ZNF17: variants seen among roughly 807,000 people sequenced by gnomAD.
ZNF17 encodes zinc finger protein 17, also known as zinc finger protein 17 (HPF3, KOX 10).
In ZNF17, 4 loss-of-function variants were observed where a neutral mutation model predicts 7.7. The ratio of observed to expected loss-of-function variants is 0.52; its 90% CI spans 0.26 to 1.20. The LOEUF (loss-of-function observed/expected upper bound fraction) is 1.20. ZNF17 is among the 50% of genes most tolerant of loss of function. The probability of loss-of-function intolerance (pLI) is 0.14; values close to 1 mark genes in which losing one functional copy is unlikely to be tolerated. For missense variants in ZNF17, 738 were observed against 799.5 expected (o/e 0.92, Z 0.93); for synonymous variants, 249 against 258.8 (o/e 0.96, Z 0.36).
chr19:57,413,491 C>A, intron 1 of ZNF17, 105 bp from the exon 2 acceptor site: 2 of 1,223,688 alleles, frequency 1.6e-6, no homozygotes, highest in East Asian at 2.5e-5. Flanking sequence ...TACTGTGTAC[C>A]CTCAGATAAC....
chr19:57,419,490 T>A, intron 3 of ZNF17, 145 bp from the exon 4 acceptor site: 1 of 847,878 alleles, frequency 1.2e-6, no homozygotes, highest in Non-Finnish European at 1.8e-6. Context: ...TTCTGCCCAG[T>A]AGGCTTTCCT....
Position 57,411,213 on chromosome 19 carries a change from A to G in ZNF17, c.-214A>G. 2.4e-6 allele frequency: 2 copies of G among 840,298 alleles called. No individual in the cohort carries two copies. Among genetic ancestry groups the G allele is most frequent in the Non-Finnish European group, 3.6e-6 (2 of 553,986 alleles). 52.1% of individuals were successfully genotyped at this position (840,298 alleles called of 1,614,324 possible). A position where few individuals can be genotyped will look rare whatever the true frequency, so the allele number is the denominator to read the frequency against. ...GCTGCGTTGGGATCTGTTCACCTTC[A>G]GGCTGAGTCGAGACTGAGGTGAAAA... is the stretch of plus-strand genomic sequence containing the variant. On this transcript the variant is annotated 5_prime_UTR_variant, in exon 1 of 4. Coordinates refer to ENST00000307658, the MANE Select transcript of ZNF17 (RefSeq NM_001330617.2).
rs1165482456 is a variant in ZNF17 at position 57,421,280 on chromosome 19, A to G, written c.1794A>G (p.Thr598=). ...GGAAATTTTTTATGGACAGCTCCAC[A>G]CTCATTAGTCATGAGAGAGTTCATA... ...KCGKFFMDSS[T]LISHERVHTG... Residue 598 remains threonine (T), a synonymous_variant, in exon 4 of 4, where the codon ACA becomes ACG. Transcript: ENST00000307658. 5.6e-6 allele frequency: 9 copies of G among 1,613,896 alleles called. No homozygotes were observed. Among genetic ancestry groups the G allele is most frequent in the African/African-American group, 1.3e-5 (1 of 74,892 alleles).
At chr19:57,415,095 G>A (rs2088803499) in intron 2 of ZNF17, among the ~76,000 whole-genome samples, 1 of 152,302 alleles carries the variant, frequency 6.6e-6, no homozygotes, top group South Asian at 2.1e-4. Context: ...GGATACCTGG[G>A]TGATAATTCC....
At chr19:57,411,864 G>A (rs1228257859) in intron 1 of ZNF17, among the ~76,000 whole-genome samples, 2 of 152,208 alleles carry the variant, frequency 1.3e-5, no homozygotes, top group Non-Finnish European at 2.9e-5. Flanking sequence ...ATTCTGGATG[G>A]ATCTCAGAGA....
At chr19:57,415,680 T>C (rs1235195241) in intron 2 of ZNF17, among the ~76,000 whole-genome samples, 1 of 151,924 alleles carries the variant, frequency 6.6e-6, no homozygotes, top group Non-Finnish European at 1.5e-5. Context: ...TGAGGATATG[T>C]GTGTGTGTAT....
At chr19:57,418,388 T>A (rs533409336) in intron 3 of ZNF17, among the ~76,000 whole-genome samples, 1 of 152,292 alleles carries the variant, frequency 6.6e-6, no homozygotes, top group South Asian at 2.1e-4. Flanking sequence ...AGGGATACCC[T>A]GTGTCAGGAA....
intron 1 of ZNF17, among the ~76,000 whole-genome samples, chr19:57,413,130 G>T (rs2088789371): frequency 1.3e-5 from 2 of 152,014 alleles, no homozygotes; most frequent in Non-Finnish European, 2.9e-5. Context: ...GCCCACCTCG[G>T]CCTCCCAAAG....
chr19:57,415,465 G>A (rs2088806058), intron 2 of ZNF17, among the ~76,000 whole-genome samples: 2 of 152,178 alleles, frequency 1.3e-5, no homozygotes, highest in Non-Finnish European at 2.9e-5. Context: ...AGGTGTTCAG[G>A]ATGGAGACAT....
chr19:57,420,419 G>A lies in ZNF17; in HGVS notation c.933G>A (p.Lys311=), dbSNP rs766115208. The A allele has an allele frequency of 1.9e-6, 3 of 1,614,016 alleles. No individual in the cohort carries two copies. Among genetic ancestry groups the A allele is most frequent in the South Asian group, 1.1e-5 (1 of 91,072 alleles). The change falls in exon 4 of 4, where the codon AAG becomes AAA. Residue 311 remains lysine, a synonymous_variant. Transcript: ENST00000307658. ...CTTATGTGTGTAGTGAATGTGGGAA[G>A]GCCTTCCTTACACAGGCTCACCTTG... ...PRPYVCSECG[K]AFLTQAHLVG... is the part of the protein sequence containing the mutation.
intron 2 of ZNF17, among the ~76,000 whole-genome samples, chr19:57,414,984 A>G (rs2088802652): frequency 6.6e-6 from 1 of 152,204 alleles, no homozygotes. Flanking sequence ...TGCTGGAATT[A>G]CAGGCCTGAG....
rs1600095445 is a variant in ZNF17 at position 57,419,713 on chromosome 19, T to C, written c.227T>C (p.Leu76Ser). ...VSVGVSQVTT[L>S]KPALSTQKAQ... The stretch of plus-strand genomic sequence containing the variant: ...GTAGGAGTGTCACAGGTCACAACTT[T>C]AAAGCCAGCTTTGTCCACCCAGAAG... Residue 76 changes from leucine (L) to serine (S), a missense_variant, in exon 4 of 4, where the codon TTA becomes TCA. Coordinates refer to ENST00000307658, the MANE Select transcript of ZNF17 (RefSeq NM_001330617.2). 6.2e-7 allele frequency: 1 copy of C among 1,614,192 alleles called. No homozygotes were observed. The highest frequency in any genetic ancestry group is 8.5e-7 in the Non-Finnish European group (1 of 1,180,038).
At chr19:57,412,476 G>T (rs1346537762) in intron 1 of ZNF17, among the ~76,000 whole-genome samples, 1 of 146,770 alleles carries the variant, frequency 6.8e-6, no homozygotes, top group Non-Finnish European at 1.5e-5. Context: ...ACAGAGTCTC[G>T]CTCCATCGCC....
Position 57,411,402 on chromosome 19 carries a change from C to G in ZNF17, c.-25C>G, listed in dbSNP as rs1456926850. On this transcript the variant is annotated 5_prime_UTR_variant, in exon 1 of 4. Coordinates refer to ENST00000307658, the MANE Select transcript of ZNF17 (RefSeq NM_001330617.2). Reference sequence around the variant, plus strand: ...GCGGAGGCTGCGCCGATGAACCTGACTGAGGTGGGTGCCGCGTCCCAGGGC... The same window carrying G: ...GCGGAGGCTGCGCCGATGAACCTGAGTGAGGTGGGTGCCGCGTCCCAGGGC... 1 of 1,612,176 alleles carries G rather than the reference C, an allele frequency of 6.2e-7. No individual in the cohort carries two copies. The highest frequency in any genetic ancestry group is 8.5e-7 in the Non-Finnish European group (1 of 1,179,588).
chr19:57,421,013 T>C lies in ZNF17; in HGVS notation c.1527T>C (p.Phe509=), dbSNP rs1345652180. The C allele has an allele frequency of 1.9e-6, 3 of 1,614,128 alleles. No homozygotes were observed. Among genetic ancestry groups the C allele is most frequent in the Non-Finnish European group, 2.5e-6 (3 of 1,180,022 alleles). The change falls in exon 4 of 4, where the codon TTT becomes TTC. Residue 509 remains phenylalanine (F), a synonymous_variant. Transcript: ENST00000307658. Reference sequence around the variant, plus strand: ...AATGCAGCATTTGTGGGAAATCCTTTAGATGTCGCTCCACACTTGATACAC... The same window carrying C: ...AATGCAGCATTTGTGGGAAATCCTTCAGATGTCGCTCCACACTTGATACAC... ...PFECSICGKS[F]RCRSTLDTHQ...
chr19:57,412,242 T>A (rs2088781914), intron 1 of ZNF17, among the ~76,000 whole-genome samples: 1 of 152,066 alleles, frequency 6.6e-6, no homozygotes, highest in South Asian at 2.1e-4. Context: ...CCAGGCCCAC[T>A]CTGTGGAACA....
chr19:57,416,896 G>T (rs549438482), intron 2 of ZNF17, among the ~76,000 whole-genome samples: 1 of 152,298 alleles, frequency 6.6e-6, no homozygotes, highest in South Asian at 2.1e-4. Flanking sequence ...GCAATGAGGG[G>T]AGAGCAGGTA....
chr19:57,413,955 G>A (rs1760403053), intron 2 of ZNF17, among the ~76,000 whole-genome samples: 2 of 152,192 alleles, frequency 1.3e-5, no homozygotes. Flanking sequence ...AGGATAAGGA[G>A]CACAGCAGCA....
At chr19:57,412,832 C>T (rs1404280806) in intron 1 of ZNF17, among the ~76,000 whole-genome samples, 1 of 151,970 alleles carries the variant, frequency 6.6e-6, no homozygotes, top group African/African-American at 2.4e-5. Context: ...TGAATGTAAC[C>T]AATAGTTAAA....
Sources: allele counts gnomAD v4.1 joint callset (sites outside exome capture counted in the v4.1 genomes callset), GRCh38; gene constraint gnomAD v4.1.1; transcripts MANE v1.5; gene names NCBI Gene and HGNC (gene_info 2026-07-23, HGNC 2026-07-21).